The following SH3TC2 variants were observed in gnomAD, a reference collection of about 807,000 sequenced individuals.
The protein encoded by SH3TC2 is SH3 domain and tetratricopeptide repeat-containing protein 2.
SH3TC2 carries 87 observed loss-of-function variants against 124.5 expected under a neutral mutation model. The observed-to-expected ratio is 0.70, with a 90% confidence interval of 0.59 to 0.84. The LOEUF is 0.84. Ranked by LOEUF, SH3TC2 falls within the 40% of genes least tolerant of loss-of-function variation. The pLI is 0.00. For missense variants in SH3TC2, 1,536 were observed against 1,566.4 expected (o/e 0.98, Z 0.33); for synonymous variants, 634 against 628.5 (o/e 1.01, Z -0.13).
chr5:149,012,096 C>G (rs1466736117), intron 13 of SH3TC2, among the ~76,000 whole-genome samples: 1 of 152,134 alleles, frequency 6.6e-6, no homozygotes, highest in Non-Finnish European at 1.5e-5. Flanking sequence ...GGATTTGACT[C>G]TAGGCTTTTC....
rs1753471642 is a variant in SH3TC2 at position 148,994,511 on chromosome 5, C to G, written c.*10200G>C. On this transcript the variant is annotated 3_prime_UTR_variant, in exon 17 of 17. Transcript: ENST00000515425. The stretch of plus-strand genomic sequence containing the variant: ...ACAGGGACTGTCATTATCTTGCTCA[C>G]TGGATTGTGAGTTTAGCACATGAGA... 6.6e-6 allele frequency among the ~76,000 whole-genome samples: 1 copy of G among 152,174 alleles called. No homozygotes were observed. The highest frequency in any genetic ancestry group is 2.1e-4 in the South Asian group (1 of 4,828).
chr5:148,985,537 G>T lies in SH3TC2; in HGVS notation c.*19174C>A, dbSNP rs1748440227. Among the ~76,000 whole-genome samples the T allele has an allele frequency of 6.6e-6, 1 of 152,122 alleles. No individual in the cohort carries two copies. The highest frequency in any genetic ancestry group is 2.4e-5 in the African/African-American group (1 of 41,424). On this transcript the variant is annotated 3_prime_UTR_variant, in exon 17 of 17. Transcript: ENST00000515425. Reference sequence around the variant, plus strand: ...AACTCCAAGTTGTTGCATGTATTGGGTGCTCATTTCTTTTTATTACTGAGT... The same window carrying T: ...AACTCCAAGTTGTTGCATGTATTGGTTGCTCATTTCTTTTTATTACTGAGT...
intron 4 of SH3TC2, among the ~76,000 whole-genome samples, chr5:149,043,063 T>G (rs1404230953): frequency 6.6e-6 from 1 of 152,254 alleles, no homozygotes; most frequent in Non-Finnish European, 1.5e-5. Context: ...CTAAATGTTA[T>G]TTACCATTTC....
intron 9 of SH3TC2, among the ~76,000 whole-genome samples, chr5:149,031,055 CA>C (rs759802820): frequency 1.3e-4 from 20 of 152,246 alleles, no homozygotes; most frequent in Admixed American, 9.8e-4. Flanking sequence ...CATTTTGTGT[CA>C]GGGGCAGTGT....
intron 8 of SH3TC2, among the ~76,000 whole-genome samples, chr5:149,037,812 G>T (rs1015010033): frequency 1.5e-4 from 23 of 152,160 alleles, no homozygotes; most frequent in African/African-American, 5.3e-4. Flanking sequence ...AAAAGAGTAA[G>T]AGAAACACTC....
intron 8 of SH3TC2, among the ~76,000 whole-genome samples, chr5:149,031,942 C>G (rs868189119): frequency 6.6e-6 from 1 of 152,130 alleles, no homozygotes; most frequent in Non-Finnish European, 1.5e-5. Flanking sequence ...TGAAAACACC[C>G]CTTCTCTTAA....
intron 3 of SH3TC2, chr5:149,046,327 T>A (rs1256071696): frequency 6.6e-6 from 1 of 152,392 alleles, no homozygotes; most frequent in Admixed American, 6.5e-5. Flanking sequence ...GAGCAATATG[T>A]CATTTAACTC....
At chr5:149,044,977 T>TAA in intron 3 of SH3TC2, 7 of 185,406 alleles carry the variant, frequency 3.8e-5, no homozygotes, top group Non-Finnish European at 6.7e-5. Context: ...TTTTTGTGTT[T>TAA]AAAAAAAAAA....
At chr5:149,040,546 T>C (rs900412494) in intron 7 of SH3TC2, 58 bp downstream of exon 7, 321 of 1,498,204 alleles carry the variant, frequency 2.1e-4, no homozygotes, top group Non-Finnish European at 2.6e-4. Context: ...GCAGATAAAA[T>C]TGAGAGGCAG....
chr5:149,008,746 A>G, intron 15 of SH3TC2, 105 bp downstream of exon 15: 1 of 1,519,950 alleles, frequency 6.6e-7, no homozygotes, highest in Admixed American at 1.7e-5. Flanking sequence ...CTGGGATTTG[A>G]ACCCACACAG....
At position 148,994,604 on chromosome 5, in the gene SH3TC2, T is replaced by G. The variant is rs879428170; in HGVS notation, c.*10107A>C. 0.17 allele frequency among the ~76,000 whole-genome samples: 636 copies of G among 3,816 alleles called. 4 individuals are homozygous for G. The highest frequency in any genetic ancestry group is 0.18 in the Non-Finnish European group (435 of 2,354). The allele number at this position is 3,816 out of a possible 152,430, so 2.5% of individuals were successfully genotyped here. On this transcript the variant is annotated 3_prime_UTR_variant, in exon 17 of 17. Coordinates refer to ENST00000515425, the MANE Select transcript of SH3TC2 (RefSeq NM_024577.4). ...TGTGGGTGGTTGGGTGGTTAGATGGTTGGTTGGTTGGTTGGTTGGTTGGTT... is the reference window on the plus strand; with the variant it reads ...TGTGGGTGGTTGGGTGGTTAGATGGGTGGTTGGTTGGTTGGTTGGTTGGTT...
In SH3TC2 at chr5:148,993,142, T is replaced by A. The variant is rs1753448790; in HGVS notation, c.*11569A>T. 6.6e-6 allele frequency among the ~76,000 whole-genome samples: 1 copy of A among 152,140 alleles called. No homozygotes were observed. Among genetic ancestry groups the A allele is most frequent in the Non-Finnish European group, 1.5e-5 (1 of 68,024 alleles). Reference sequence around the variant, plus strand: ...TCACCGTTTCGATTGAAATAATCAGTTCAAAATAAAACTGACAACAGCTAA... The same window carrying A: ...TCACCGTTTCGATTGAAATAATCAGATCAAAATAAAACTGACAACAGCTAA... On this transcript the variant is annotated 3_prime_UTR_variant, in exon 17 of 17. Transcript: ENST00000515425.
intron 1 of SH3TC2, chr5:149,062,283 C>A (rs752885058): frequency 1.9e-6 from 1 of 523,414 alleles, no homozygotes; most frequent in South Asian, 1.4e-5. Context: ...AGGGCCCTAC[C>A]TTGATTCTCC....
intron 9 of SH3TC2, among the ~76,000 whole-genome samples, chr5:149,029,575 G>C (rs1754147286): frequency 6.6e-6 from 1 of 152,000 alleles, no homozygotes; most frequent in African/African-American, 2.4e-5. Flanking sequence ...GGGAGTGAGG[G>C]AGTGAGGGAG....
In SH3TC2 at chr5:149,000,622, T is replaced by C. The variant is rs1753581460; in HGVS notation, c.*4089A>G. Among the ~76,000 whole-genome samples the C allele has an allele frequency of 6.6e-6, 1 of 152,174 alleles. No individual in the cohort carries two copies. The highest frequency in any genetic ancestry group is 2.1e-4 in the South Asian group (1 of 4,824). ...TTTTGTAAAGGCTCTTTGGTGCATA[T>C]CGTGATAAATGCATGCATACATACA... On this transcript the variant is annotated 3_prime_UTR_variant, in exon 17 of 17. Transcript: ENST00000515425.
Position 148,992,626 on chromosome 5 carries a change from A to AT in SH3TC2, c.*12084dup, listed in dbSNP as rs1324759927. Among the ~76,000 whole-genome samples the AT allele has an allele frequency of 1.8e-4, 14 of 75,752 alleles. No individual in the cohort carries two copies. The highest frequency in any genetic ancestry group is 3.6e-4 in the Non-Finnish European group (14 of 38,746). 49.7% of individuals were successfully genotyped at this position (75,752 alleles called of 152,430 possible). On this transcript the variant is annotated 3_prime_UTR_variant, in exon 17 of 17. Transcript: ENST00000515425. Reference sequence around the variant, plus strand: ...TTTTTTTTTTTTTTTTTTTTTTCAGATTTTCGAAGGGGTCTATGAACTTTT... The same window carrying AT: ...TTTTTTTTTTTTTTTTTTTTTTCAGATTTTTCGAAGGGGTCTATGAACTTTT...
chr5:149,024,881 T>A (rs1754037974), intron 12 of SH3TC2, among the ~76,000 whole-genome samples: 1 of 152,072 alleles, frequency 6.6e-6, no homozygotes, highest in African/African-American at 2.4e-5. Context: ...AATATTTCAG[T>A]GGGTTTAGGC....
intron 1 of SH3TC2, among the ~76,000 whole-genome samples, chr5:149,062,023 C>T (rs1020949039): frequency 5.3e-5 from 8 of 152,120 alleles, no homozygotes; most frequent in African/African-American, 1.9e-4. Flanking sequence ...TCTACAAGCC[C>T]AAGTCATAAG....
At chr5:149,051,763 A>C (rs1289757427) in intron 2 of SH3TC2, among the ~76,000 whole-genome samples, 1 of 152,138 alleles carries the variant, frequency 6.6e-6, no homozygotes, top group East Asian at 1.9e-4. Flanking sequence ...CCATGTATTT[A>C]TTCATCAAAG....
Sources: allele counts gnomAD v4.1 joint callset (sites outside exome capture counted in the v4.1 genomes callset), GRCh38; gene constraint gnomAD v4.1.1; transcripts MANE v1.5; gene names NCBI Gene and HGNC (gene_info 2026-07-23, HGNC 2026-07-21).